The following NFKBID variants were observed in gnomAD, a reference collection of about 807,000 sequenced individuals.
NFKBID encodes NF-kappa-B inhibitor delta.
NFKBID carries 26 observed loss-of-function variants against 53.4 expected under a neutral mutation model. The observed-to-expected ratio is 0.49, with a 90% confidence interval of 0.36 to 0.68. The LOEUF is 0.68. Ranked by LOEUF, NFKBID falls within the 30% of genes least tolerant of loss-of-function variation. The pLI is 0.00. For missense variants in NFKBID, 493 were observed against 614.1 expected (o/e 0.80, Z 2.08); for synonymous variants, 262 against 259.8 (o/e 1.01, Z -0.08).
At chr19:35,900,824 TTTC>T (rs1476553791), upstream of NFKBID, among the ~76,000 whole-genome samples, 1 of 135,380 alleles carries the variant, frequency 7.4e-6, no homozygotes. Flanking sequence ...TTTTTTTTCT[TTTC>T]TTTTTTTTTT....
At chr19:35,893,239 C>T (rs1974900708) in intron 9 of NFKBID, among the ~76,000 whole-genome samples, 1 of 152,160 alleles carries the variant, frequency 6.6e-6, no homozygotes, top group African/African-American at 2.4e-5. Context: ...TCATATGTGT[C>T]CAAAATTCTG....
Position 35,895,768 on chromosome 19 carries a change from C to A in NFKBID, c.1032+212G>T, listed in dbSNP as rs538664591. ...GCGGTGAGCCAAGATCACACCATTG[C>A]ACTCCAGCCAGGGCAACAAGAGCAA... On this transcript the variant is annotated intron_variant, in intron 9 of 11. Transcript: ENST00000641389. Among the ~76,000 whole-genome samples, 4 of 152,322 alleles carry A rather than the reference C, an allele frequency of 2.6e-5. No individual in the cohort carries two copies. In the South Asian group the frequency reaches 8.3e-4, roughly 32 times the overall value.
At chr19:35,897,175 C>T in intron 4 of NFKBID, 117 bp from the exon 5 acceptor site, 4 of 1,078,214 alleles carry the variant, frequency 3.7e-6, no homozygotes, top group Non-Finnish European at 5.3e-6. Flanking sequence ...ACACACACAT[C>T]TGCATGCAGA....
At chr19:35,898,767 T>C in exon 2 of NFKBID, 1 of 1,536,112 alleles carries the variant, frequency 6.5e-7, no homozygotes, top group Non-Finnish European at 8.7e-7. Flanking sequence ...GCCTCTGCTC[T>C]TCCAGAAGCT....
chr19:35,889,492 A>C (rs958844131), intron 11 of NFKBID, among the ~76,000 whole-genome samples: 1 of 152,104 alleles, frequency 6.6e-6, no homozygotes, highest in Non-Finnish European at 1.5e-5. Context: ...GGGGGTTCCC[A>C]CCTGGGGGTG....
chr19:35,896,150 G>A lies in NFKBID; in HGVS notation c.884-22C>T, dbSNP rs998870090. On this transcript the variant is annotated intron_variant, in intron 8 of 11. Transcript: ENST00000641389. The surrounding 1 kb of genome is among the most constrained non-coding windows in gnomAD (Gnocchi z 5.7). ...AGGCCTGCAGAATGGAGACAGTGAG[G>A]GACCCGCATCTGCACCCACCTCGCC... 3.1e-6 allele frequency: 5 copies of A among 1,613,760 alleles called. No homozygotes were observed. Among genetic ancestry groups the A allele is most frequent in the Non-Finnish European group, 4.2e-6 (5 of 1,179,836 alleles).
At chr19:35,898,668 C>T in intron 2 of NFKBID, 51 bp downstream of exon 2, 2 of 1,497,054 alleles carry the variant, frequency 1.3e-6, no homozygotes. Context: ...GCCGCTGAGT[C>T]CCTACGGGAC....
At chr19:35,888,384 C>T in exon 12 of NFKBID, 1 of 588,846 alleles carries the variant, frequency 1.7e-6, no homozygotes, top group Non-Finnish European at 3.1e-6. Flanking sequence ...GGTATCACAG[C>T]ACCCCAAATA....
chr19:35,889,920 G>T, exon 11 of NFKBID: 1 of 1,611,314 alleles, frequency 6.2e-7, no homozygotes, highest in Non-Finnish European at 8.5e-7. Context: ...GCCGCAGCAG[G>T]TGAACGGGCT....
At chr19:35,901,836 C>T, upstream of NFKBID, 1 of 284,132 alleles carries the variant, frequency 3.5e-6, no homozygotes, top group Non-Finnish European at 6.8e-6. Flanking sequence ...GCTGGGATTA[C>T]AGGCATGAGC....
chr19:35,893,427 C>T (rs901821911), intron 9 of NFKBID, among the ~76,000 whole-genome samples: 4 of 152,116 alleles, frequency 2.6e-5, no homozygotes, highest in Non-Finnish European at 4.4e-5. Flanking sequence ...TCTTACAGTC[C>T]ATCCCCACCA....
At chr19:35,888,711 A>G in intron 11 of NFKBID, 99 bp from the exon 12 acceptor site, 1 of 868,868 alleles carries the variant, frequency 1.2e-6, no homozygotes, top group East Asian at 2.7e-5. Context: ...AGAGAGGTTG[A>G]GTGGGTCCCT....
upstream of NFKBID, chr19:35,902,098 T>G (rs892991061): frequency 4.3e-6 from 3 of 695,274 alleles, no homozygotes. Context: ...CTAAATGCAG[T>G]GAGGTTATTC....
intron 11 of NFKBID, among the ~76,000 whole-genome samples, chr19:35,889,394 G>T (rs1974596415): frequency 6.6e-6 from 1 of 152,000 alleles, no homozygotes; most frequent in Non-Finnish European, 1.5e-5. Flanking sequence ...TAAAAATAAA[G>T]ATGTGGGAAG....
At chr19:35,889,867 A>G (rs755192853) in intron 11 of NFKBID, 23 bp downstream of exon 11, 1 of 1,586,944 alleles carries the variant, frequency 6.3e-7, no homozygotes, top group South Asian at 1.1e-5. Flanking sequence ...GCCACTCTAC[A>G]GGCAGGCTCA....
At position 35,889,924 on chromosome 19, in the gene NFKBID, A is replaced by G. The variant is rs1484464284; in HGVS notation, c.1280T>C (p.Val427Ala). The change falls in exon 11 of 12, where the codon GTT becomes GCT. Residue 427 changes from valine (V) to alanine (A), a missense_variant. Physicochemically the swap from Val to Ala is moderately conservative, Grantham distance 64 (BLOSUM62 0). This residue lies in a region of NFKBID where 267 missense variants were observed against 384.6 expected (regional missense o/e 0.69). Transcript: ENST00000641389. Reference sequence around the variant, plus strand: ...GCCCGGCCCGGGCCGCAGCAGGTGAACGGGCTGCTCATTCTCCAGGTTGCG... The same window carrying G: ...GCCCGGCCCGGGCCGCAGCAGGTGAGCGGGCTGCTCATTCTCCAGGTTGCG... The G allele has an allele frequency of 3.7e-6, 6 of 1,611,308 alleles. No homozygotes were observed. The highest frequency in any genetic ancestry group is 2.7e-5 in the African/African-American group (2 of 74,864).
intron 1 of NFKBID, among the ~76,000 whole-genome samples, chr19:35,900,193 C>G (rs1184610573): frequency 4.6e-5 from 7 of 150,984 alleles, no homozygotes; most frequent in Admixed American, 4.6e-4. Context: ...AGCCTCCCAG[C>G]CCTTGCACCC....
chr19:35,897,741 G>T lies in NFKBID; in HGVS notation c.342C>A (p.Cys114Ter). 1.2e-6 allele frequency: 2 copies of T among 1,612,306 alleles called. No homozygotes were observed. Among genetic ancestry groups the T allele is most frequent in the Non-Finnish European group, 1.7e-6 (2 of 1,178,846 alleles). The change falls in exon 4 of 12, where the codon TGC becomes TGA. Residue 114 changes from cysteine to a stop codon, truncating the protein, a stop_gained. Transcript: ENST00000641389. LOFTEE classifies it high-confidence loss of function. The stretch of plus-strand genomic sequence containing the variant: ...GGAAATTTTCGGCAGCAGAAGCAGG[G>T]CAAGAGTAGGGGCTGTCAGTGTAGG...
intron 2 of NFKBID, 93 bp from the exon 3 acceptor site, chr19:35,898,625 C>T: frequency 1.4e-6 from 2 of 1,406,566 alleles, no homozygotes; most frequent in Non-Finnish European, 1.9e-6. Context: ...TCGGTCAGGA[C>T]CACCCCTCTC....
Sources: allele counts gnomAD v4.1 joint callset (sites outside exome capture counted in the v4.1 genomes callset), GRCh38; gene constraint gnomAD v4.1.1; regional missense constraint gnomAD v4.1.1; non-coding constraint Gnocchi (gnomAD v3.1); transcripts MANE v1.5; gene names NCBI Gene and HGNC (gene_info 2026-07-23, HGNC 2026-07-21).